The following WWOX variants were observed in gnomAD, a reference collection of about 807,000 sequenced individuals.
WWOX encodes WW domain containing oxidoreductase.
A neutral mutation model predicts 46.2 loss-of-function variants in WWOX; 69 were observed. The observed-to-expected ratio is 1.49, with a 90% CI of 1.23 to 1.82. The LOEUF (loss-of-function observed/expected upper bound fraction) is 1.82, where lower values mean the gene tolerates loss of function less well. Among genes scored for constraint, WWOX ranks in the 40% most tolerant of loss-of-function variants. The pLI is 0.00. For synonymous variants in WWOX, 359 were observed against 202.6 expected (o/e 1.77, Z -6.56); for missense variants, 919 against 542.6 (o/e 1.69, Z -6.89).
intron 8 of WWOX, among the ~76,000 whole-genome samples, chr16:78,591,578 A>T (rs764817928): frequency 3.3e-5 from 5 of 152,294 alleles, no homozygotes; most frequent in Non-Finnish European, 4.4e-5. Flanking sequence ...TTTTGGATTT[A>T]GGTTACCATC....
At chr16:78,122,422 A>G (rs2033141583) in intron 4 of WWOX, among the ~76,000 whole-genome samples, 1 of 152,186 alleles carries the variant, frequency 6.6e-6, no homozygotes, top group Non-Finnish European at 1.5e-5. Flanking sequence ...AAGTGGGTCA[A>G]ACCCATAATT....
chr16:78,927,179 T>G (rs1393435313), intron 8 of WWOX, among the ~76,000 whole-genome samples: 1 of 152,178 alleles, frequency 6.6e-6, no homozygotes, highest in Non-Finnish European at 1.5e-5. Flanking sequence ...GACCTTGTTT[T>G]GAGGAGAGAA....
intron 8 of WWOX, among the ~76,000 whole-genome samples, chr16:78,728,544 C>T (rs146141530): frequency 2.0e-4 from 31 of 152,268 alleles, no homozygotes; most frequent in Admixed American, 1.3e-3. Flanking sequence ...TGAAAAACTC[C>T]GCTGTCTAGT....
chr16:78,549,515 C>G (rs931326484), intron 8 of WWOX, among the ~76,000 whole-genome samples: 1 of 152,242 alleles, frequency 6.6e-6, no homozygotes, highest in East Asian at 1.9e-4. Context: ...CATGCTATCT[C>G]GACTTCTGTG....
intron 8 of WWOX, among the ~76,000 whole-genome samples, chr16:78,450,939 T>A (rs1318526121): frequency 6.6e-6 from 1 of 152,210 alleles, no homozygotes; most frequent in Non-Finnish European, 1.5e-5. Context: ...TCCTTCCTGT[T>A]CCAAGCACTG....
intron 8 of WWOX, among the ~76,000 whole-genome samples, chr16:78,934,136 C>A (rs563511759): frequency 6.6e-6 from 1 of 151,820 alleles, no homozygotes; most frequent in East Asian, 1.9e-4. Context: ...GAGATGGAGA[C>A]CATCCTGGCT....
At chr16:78,773,064 C>A (rs778392571) in intron 8 of WWOX, among the ~76,000 whole-genome samples, 24 of 152,186 alleles carry the variant, frequency 1.6e-4, no homozygotes, top group African/African-American at 5.5e-4. Context: ...AAGAAACAAA[C>A]AAACAAACAA....
chr16:78,795,568 C>G (rs1435597646), intron 8 of WWOX, among the ~76,000 whole-genome samples: 1 of 152,222 alleles, frequency 6.6e-6, no homozygotes, highest in East Asian at 1.9e-4. Flanking sequence ...GGTATAATTT[C>G]TCACACAGAT....
chr16:78,577,396 C>T (rs904839438), intron 8 of WWOX, among the ~76,000 whole-genome samples: 1 of 152,156 alleles, frequency 6.6e-6, no homozygotes, highest in African/African-American at 2.4e-5. Context: ...CCCCTAAATT[C>T]CAGCACTGCG....
intron 8 of WWOX, among the ~76,000 whole-genome samples, chr16:78,516,347 T>G (rs751448176): frequency 6.6e-6 from 1 of 152,170 alleles, no homozygotes; most frequent in Admixed American, 6.6e-5. Flanking sequence ...CAAACATACC[T>G]CCAGGTCAAC....
intron 7 of WWOX, 68 bp from the exon 8 acceptor site, chr16:78,432,420 A>C (rs1475386454): frequency 1.3e-6 from 2 of 1,593,064 alleles, no homozygotes; most frequent in South Asian, 1.1e-5. Context: ...TTAGATTTCC[A>C]ATAAAAATAA....
At position 78,797,312 on chromosome 16, in the gene WWOX, A is replaced by G. The variant is rs568020093; in HGVS notation, c.1056+364560A>G. 1.5e-3 allele frequency among the ~76,000 whole-genome samples: 228 copies of G among 148,186 alleles called. 1 individual carries two copies. Among genetic ancestry groups the G allele is most frequent in the South Asian group, 2.6e-3 (12 of 4,620 alleles). ...ACACATAATTACAAGACTGTATTGTATAATCATGCAGGACACAAGGTATGC... is the reference window on the plus strand; with the variant it reads ...ACACATAATTACAAGACTGTATTGTGTAATCATGCAGGACACAAGGTATGC... On this transcript the variant is annotated intron_variant, in intron 8 of 8. Transcript: ENST00000566780.
chr16:79,184,197 C>T (rs2050968745), intron 8 of WWOX, among the ~76,000 whole-genome samples: 1 of 152,166 alleles, frequency 6.6e-6, no homozygotes, highest in South Asian at 2.1e-4. Context: ...AATTCAAATT[C>T]ATTGAGTCAG....
At chr16:78,812,269 G>A (rs1301936675) in intron 8 of WWOX, among the ~76,000 whole-genome samples, 1 of 152,120 alleles carries the variant, frequency 6.6e-6, no homozygotes, top group Non-Finnish European at 1.5e-5. Flanking sequence ...TGTGAGGGTG[G>A]ACATTATAGA....
At chr16:79,021,981 T>C (rs533146993) in intron 8 of WWOX, among the ~76,000 whole-genome samples, 1 of 152,316 alleles carries the variant, frequency 6.6e-6, no homozygotes, top group East Asian at 1.9e-4. Flanking sequence ...TGCAGGCACA[T>C]AGTAAGTGCT....
intron 7 of WWOX, among the ~76,000 whole-genome samples, chr16:78,430,945 A>G (rs1331286476): frequency 2.0e-5 from 3 of 152,038 alleles, no homozygotes; most frequent in African/African-American, 7.2e-5. Context: ...TTTTCATTTT[A>G]CCTTTTGCTT....
At chr16:79,183,782 C>A (rs372955356) in intron 8 of WWOX, among the ~76,000 whole-genome samples, 1 of 152,140 alleles carries the variant, frequency 6.6e-6, no homozygotes, top group Non-Finnish European at 1.5e-5. Flanking sequence ...AATCATCTGC[C>A]CTAGGTCCCA....
intron 8 of WWOX, among the ~76,000 whole-genome samples, chr16:78,620,979 T>G (rs2046166469): frequency 6.6e-6 from 1 of 152,210 alleles, no homozygotes. Context: ...TAGTTTTTTC[T>G]ACATTGCAAT....
chr16:78,249,248 C>A (rs1289276620), intron 5 of WWOX, among the ~76,000 whole-genome samples: 6 of 152,168 alleles, frequency 3.9e-5, no homozygotes, highest in African/African-American at 1.4e-4. Flanking sequence ...GAATGTGAAC[C>A]CAGGAAGTCC....
Sources: allele counts gnomAD v4.1 joint callset (sites outside exome capture counted in the v4.1 genomes callset), GRCh38; gene constraint gnomAD v4.1.1; transcripts MANE v1.5; gene names NCBI Gene and HGNC (gene_info 2026-07-23, HGNC 2026-07-21).